Variants in HEG1 observed in about 807,000 individuals in gnomAD.
HEG1 encodes heart development protein with EGF like domains 1.
HEG1 carries 56 observed loss-of-function variants against 125.6 expected under a neutral mutation model. The ratio of observed to expected loss-of-function variants is 0.45; its 90% CI spans 0.36 to 0.56. The LOEUF is 0.56. Among genes scored for constraint, HEG1 ranks in the 20% least tolerant of loss-of-function variants. The probability of loss-of-function intolerance (pLI) is 0.00; values close to 1 mark genes in which losing one functional copy is unlikely to be tolerated. For missense variants in HEG1, 1,523 were observed against 1,670.0 expected (o/e 0.91, Z 1.53); for synonymous variants, 644 against 668.5 (o/e 0.96, Z 0.57).
chr3:124,972,372 A>G (rs1936463095), intron 16 of HEG1, among the ~76,000 whole-genome samples: 1 of 152,252 alleles, frequency 6.6e-6, no homozygotes, highest in Admixed American at 6.5e-5. Flanking sequence ...ACAAAGCCCA[A>G]TGCAGAAATA....
chr3:125,014,153 ACAT>A (rs140626898), intron 5 of HEG1, among the ~76,000 whole-genome samples, 163 bp from the exon 6 acceptor site: 1,529 of 152,250 alleles, frequency 0.01, 15 homozygotes, highest in African/African-American at 0.035. Context: ...CTGAATAAAG[ACAT>A]TGTGGGCAGG....
At chr3:125,023,789 C>G (rs974947831) in intron 3 of HEG1, among the ~76,000 whole-genome samples, 1 of 152,152 alleles carries the variant, frequency 6.6e-6, no homozygotes, top group African/African-American at 2.4e-5. Context: ...CATCTGGGAG[C>G]AGAAACAAGC....
At chr3:124,978,042 C>A (rs1936577604) in intron 14 of HEG1, 96 bp from the exon 15 acceptor site, 10 of 900,944 alleles carry the variant, frequency 1.1e-5, no homozygotes, top group Non-Finnish European at 1.7e-5. Flanking sequence ...ACAGTCACCA[C>A]CCTGCCTTGA....
At chr3:124,995,905 C>T (rs1032416427) in intron 12 of HEG1, among the ~76,000 whole-genome samples, 1 of 152,108 alleles carries the variant, frequency 6.6e-6, no homozygotes, top group Non-Finnish European at 1.5e-5. Flanking sequence ...GAGGAAGTGG[C>T]GCAGGCCAGC....
At chr3:125,039,553 T>C (rs895400640) in intron 1 of HEG1, among the ~76,000 whole-genome samples, 1 of 152,170 alleles carries the variant, frequency 6.6e-6, no homozygotes, top group African/African-American at 2.4e-5. Context: ...GAACAAGCCC[T>C]TTATTTTCTT....
intron 1 of HEG1, among the ~76,000 whole-genome samples, chr3:125,030,276 G>C (rs1937479586): frequency 6.6e-6 from 1 of 152,208 alleles, no homozygotes; most frequent in African/African-American, 2.4e-5. Flanking sequence ...GATAAAACAT[G>C]AAGACTCTGG....
chr3:125,029,208 C>T lies in HEG1; in HGVS notation c.597G>A (p.Gln199=). ...SLEIATALTS[Q]SGNLASESLH... is the part of the protein sequence containing the mutation. ...GCACAAGCTCACCTAAGTTGCCACT[C>T]TGGGAAGTCAGAGCTGTTGCTATCT... The change falls in exon 2 of 17, where the codon CAG becomes CAA. Residue 199 remains glutamine, a synonymous_variant. Coordinates refer to ENST00000311127, the MANE Select transcript of HEG1 (RefSeq NM_020733.2). The T allele has an allele frequency of 1.2e-6, 2 of 1,612,152 alleles. No homozygotes were observed. Among genetic ancestry groups the T allele is most frequent in the Non-Finnish European group, 1.7e-6 (2 of 1,179,190 alleles).
chr3:124,991,697 G>A (rs554046824), intron 12 of HEG1, among the ~76,000 whole-genome samples: 46 of 151,096 alleles, frequency 3.0e-4, no homozygotes, highest in Admixed American at 7.2e-4. Flanking sequence ...CTGCAACCTC[G>A]ACCTCCCAGG....
At chr3:125,001,094 G>A (rs1420768871) in intron 11 of HEG1, among the ~76,000 whole-genome samples, 1 of 152,202 alleles carries the variant, frequency 6.6e-6, no homozygotes, top group African/African-American at 2.4e-5. Context: ...TGACAAAACA[G>A]ACAAAGCAAG....
intron 9 of HEG1, among the ~76,000 whole-genome samples, chr3:125,004,238 T>C (rs933164485): frequency 4.6e-5 from 7 of 152,230 alleles, no homozygotes; most frequent in African/African-American, 1.7e-4. Flanking sequence ...TGTAGAAATG[T>C]ATAATTCCTA....
chr3:124,979,819 C>G (rs1488980501), intron 14 of HEG1, among the ~76,000 whole-genome samples: 1 of 152,220 alleles, frequency 6.6e-6, no homozygotes, highest in Non-Finnish European at 1.5e-5. Context: ...CCTTCCTCCC[C>G]TCCTCACCAA....
intron 5 of HEG1, among the ~76,000 whole-genome samples, chr3:125,017,733 ATT>A (rs1937272153): frequency 6.6e-6 from 1 of 152,060 alleles, no homozygotes; most frequent in Non-Finnish European, 1.5e-5. Context: ...ATAATTGAAA[ATT>A]TATGGCCAGG....
At chr3:125,010,580 G>A (rs1294637638) in intron 6 of HEG1, 25 bp from the exon 7 acceptor site, 1 of 1,377,504 alleles carries the variant, frequency 7.3e-7, no homozygotes. Context: ...CAGGAGTAAA[G>A]CAGTTAACCA....
Position 125,013,731 on chromosome 3 carries a change from C to A in HEG1, c.1848G>T (p.Gly616=). The A allele has an allele frequency of 6.2e-7, 1 of 1,613,934 alleles. No homozygotes were observed. Among genetic ancestry groups the A allele is most frequent in the Non-Finnish European group, 8.5e-7 (1 of 1,179,888 alleles). ...TERSNISSYD[G]EYAQPSTESP... is the part of the protein sequence containing the mutation. ...ACTCAGTAGAAGGCTGAGCATATTC[C>A]CCGTCATAGGATGAGATGTTACTTC... Residue 616 remains glycine (G), a synonymous_variant, in exon 6 of 17, where the codon GGG becomes GGT. Transcript: ENST00000311127.
intron 14 of HEG1, among the ~76,000 whole-genome samples, chr3:124,978,944 C>CT (rs995365104): frequency 1.4e-3 from 206 of 144,688 alleles, no homozygotes; most frequent in African/African-American, 4.1e-3. Context: ...TATAAAAATT[C>CT]TTTTTTTTTT....
chr3:124,994,078 TCCATGGA>T (rs944673506), intron 12 of HEG1, among the ~76,000 whole-genome samples: 4 of 152,158 alleles, frequency 2.6e-5, no homozygotes, highest in Admixed American at 1.3e-4. Context: ...AGACATTTTT[TCCATGGA>T]CCAGCAAGGG....
chr3:124,989,159 G>C (rs1936790485), intron 14 of HEG1, among the ~76,000 whole-genome samples: 1 of 152,188 alleles, frequency 6.6e-6, no homozygotes, highest in South Asian at 2.1e-4. Flanking sequence ...TGCACCAAGA[G>C]AGTTTTATGT....
rs1164814516 is a variant in HEG1 at position 124,965,926 on chromosome 3, A to G, written c.*4726T>C. On this transcript the variant is annotated 3_prime_UTR_variant, in exon 17 of 17. Coordinates refer to ENST00000311127, the MANE Select transcript of HEG1 (RefSeq NM_020733.2). ...GGGGCTAAGGTTTAAAGGTTTACAA[A>G]GAGAAATCCAGGACAACATGAAAAC... The G allele has an allele frequency of 6.6e-6, 1 of 152,222 alleles. No individual in the cohort carries two copies. Among genetic ancestry groups the G allele is most frequent in the Non-Finnish European group, 1.5e-5 (1 of 68,044 alleles). 9.4% of individuals were successfully genotyped at this position (152,222 alleles called of 1,614,324 possible).
chr3:124,974,045 T>C (rs1936492853), intron 15 of HEG1, 140 bp from the exon 16 acceptor site: 1 of 610,108 alleles, frequency 1.6e-6, no homozygotes, highest in Non-Finnish European at 2.8e-6. Flanking sequence ...AGTAGTATTA[T>C]TATTGTTGTT....
Sources: allele counts gnomAD v4.1 joint callset (sites outside exome capture counted in the v4.1 genomes callset), GRCh38; gene constraint gnomAD v4.1.1; transcripts MANE v1.5; gene names NCBI Gene and HGNC (gene_info 2026-07-23, HGNC 2026-07-21).